CA10: variants seen among roughly 807,000 people sequenced by gnomAD.
The protein encoded by CA10 is carbonic anhydrase 10 (inactive), also known as carbonic anhydrase-related protein 10.
Under a neutral mutation model 44.2 loss-of-function variants are expected in CA10, and 14 were observed. The observed-to-expected ratio is 0.32, with a 90% CI of 0.21 to 0.50. The LOEUF is 0.50. Among genes scored for constraint, CA10 ranks in the 20% least tolerant of loss-of-function variants. The probability of loss-of-function intolerance (pLI) is 0.99; values close to 1 mark genes in which losing one functional copy is unlikely to be tolerated. For missense variants in CA10, 350 were observed against 409.7 expected (o/e 0.85, Z 1.26); for synonymous variants, 159 against 141.6 (o/e 1.12, Z -0.87).
intron 5 of CA10, among the ~76,000 whole-genome samples, chr17:51,652,735 C>A (rs1206656124): frequency 6.6e-6 from 1 of 152,270 alleles, no homozygotes; most frequent in East Asian, 1.9e-4. Context: ...ATGATGTCAT[C>A]ATGACAGCCC....
intron 4 of CA10, among the ~76,000 whole-genome samples, chr17:51,741,613 A>T (rs774731071): frequency 6.6e-6 from 1 of 152,180 alleles, no homozygotes; most frequent in African/African-American, 2.4e-5. Flanking sequence ...TGAGTTGTTG[A>T]TTCAGTGGTT....
chr17:51,897,464 G>A (rs1981121337), intron 3 of CA10, among the ~76,000 whole-genome samples: 1 of 152,090 alleles, frequency 6.6e-6, no homozygotes, highest in African/African-American at 2.4e-5. Flanking sequence ...TTTGGTTACT[G>A]TAGCCTTGTA....
intron 3 of CA10, among the ~76,000 whole-genome samples, chr17:51,788,866 G>A (rs1906398291): frequency 6.6e-6 from 1 of 152,094 alleles, no homozygotes; most frequent in Non-Finnish European, 1.5e-5. Context: ...CTGAAAGATT[G>A]GGATAAAAAC....
intron 2 of CA10, among the ~76,000 whole-genome samples, chr17:52,033,373 T>A (rs963936279): frequency 2.6e-5 from 4 of 152,178 alleles, no homozygotes; most frequent in Admixed American, 1.3e-4. Context: ...ATCACCGAAG[T>A]GTCTAATAAA....
chr17:51,717,843 A>ACG (rs1567815707), intron 4 of CA10, among the ~76,000 whole-genome samples: 2 of 78,596 alleles, frequency 2.5e-5, no homozygotes, highest in African/African-American at 1.1e-4. Context: ...ATATATATAT[A>ACG]TATATATATA....
intron 1 of CA10, among the ~76,000 whole-genome samples, chr17:52,116,024 G>A (rs552059291): frequency 2.0e-4 from 30 of 151,748 alleles, no homozygotes; most frequent in African/African-American, 2.9e-4. Flanking sequence ...CCTGGGAGGC[G>A]GAGATTGCAG....
chr17:52,073,500 T>C (rs913729568), intron 1 of CA10, among the ~76,000 whole-genome samples: 1 of 152,150 alleles, frequency 6.6e-6, no homozygotes, highest in Non-Finnish European at 1.5e-5. Context: ...TTTTCTGACA[T>C]AGGATGAGTG....
chr17:51,887,336 C>G (rs191779472), intron 3 of CA10, among the ~76,000 whole-genome samples: 9 of 152,136 alleles, frequency 5.9e-5, no homozygotes, highest in African/African-American at 2.2e-4. Flanking sequence ...AAGGCTGAAA[C>G]ACAGAATGGA....
chr17:51,734,334 A>G (rs906409678), intron 4 of CA10, among the ~76,000 whole-genome samples: 7 of 152,174 alleles, frequency 4.6e-5, no homozygotes, highest in African/African-American at 1.7e-4. Context: ...GTGCTGGAAG[A>G]GCTACTCTAG....
intron 3 of CA10, among the ~76,000 whole-genome samples, chr17:51,821,389 A>G (rs976797956): frequency 3.3e-5 from 5 of 151,826 alleles, no homozygotes; most frequent in African/African-American, 1.2e-4. Flanking sequence ...CTGACTCCTC[A>G]GTTTCTCTTA....
At chr17:51,713,692 A>G (rs1263988) in intron 4 of CA10, among the ~76,000 whole-genome samples, 59,246 of 151,950 alleles carry the variant, frequency 0.39, 12,038 homozygotes, top group Admixed American at 0.45. Flanking sequence ...CTTTCCTTTG[A>G]ATAACTGTGC....
chr17:51,905,546 T>G (rs1476664326), intron 3 of CA10, among the ~76,000 whole-genome samples: 1 of 149,818 alleles, frequency 6.7e-6, no homozygotes, highest in Non-Finnish European at 1.5e-5. Context: ...TTTTTTTTTT[T>G]TTTTTACAAC....
At chr17:51,868,745 A>T (rs1008111714) in intron 3 of CA10, among the ~76,000 whole-genome samples, 6 of 152,210 alleles carry the variant, frequency 3.9e-5, no homozygotes, top group African/African-American at 1.4e-4. Context: ...AACACTTATG[A>T]GCAGCTCTGT....
At chr17:52,045,641 G>T (rs1447664433) in intron 2 of CA10, among the ~76,000 whole-genome samples, 1 of 151,860 alleles carries the variant, frequency 6.6e-6, no homozygotes, top group African/African-American at 2.4e-5. Context: ...GAAGAAATAT[G>T]CAAATCCACA....
intron 2 of CA10, among the ~76,000 whole-genome samples, chr17:52,010,004 C>T (rs1393179015): frequency 6.6e-6 from 1 of 151,908 alleles, no homozygotes; most frequent in Non-Finnish European, 1.5e-5. Context: ...GAAAAATGCT[C>T]CACATCACTA....
intron 3 of CA10, among the ~76,000 whole-genome samples, chr17:51,927,252 T>C (rs1982470796): frequency 6.6e-6 from 1 of 152,186 alleles, no homozygotes; most frequent in Admixed American, 6.5e-5. Flanking sequence ...ACTTAACATA[T>C]GATAAGCAAT....
intron 3 of CA10, among the ~76,000 whole-genome samples, chr17:51,921,571 T>A (rs1598118909): frequency 6.6e-6 from 1 of 152,226 alleles, no homozygotes; most frequent in Non-Finnish European, 1.5e-5. Context: ...TGTGTCAATG[T>A]GTTTTCTATT....
intron 2 of CA10, among the ~76,000 whole-genome samples, chr17:51,961,830 C>T (rs1037000846): frequency 3.3e-5 from 5 of 152,166 alleles, no homozygotes; most frequent in Admixed American, 2.6e-4. Flanking sequence ...GCAGCGATGC[C>T]CTCTCTGCTC....
chr17:51,801,474 C>A (rs1470978011), intron 3 of CA10, among the ~76,000 whole-genome samples: 1 of 151,366 alleles, frequency 6.6e-6, no homozygotes, highest in South Asian at 2.1e-4. Context: ...CTAATTTTCA[C>A]ACTAGAGGAA....
Sources: allele counts gnomAD v4.1 joint callset (sites outside exome capture counted in the v4.1 genomes callset), GRCh38; gene constraint gnomAD v4.1.1; transcripts MANE v1.5; gene names NCBI Gene and HGNC (gene_info 2026-07-23, HGNC 2026-07-21).